Variants in PIK3C3 observed in about 807,000 individuals in gnomAD.
The protein encoded by PIK3C3 is PI3-kinase type 3.
Under a neutral mutation model 126.1 loss-of-function variants are expected in PIK3C3, and 95 were observed. The ratio of observed to expected loss-of-function variants is 0.75; its 90% confidence interval spans 0.64 to 0.89. The LOEUF (loss-of-function observed/expected upper bound fraction) is 0.89, where lower values mean the gene tolerates loss of function less well. Among genes scored for constraint, PIK3C3 ranks in the 40% least tolerant of loss-of-function variants. The pLI is 0.00. For synonymous variants in PIK3C3, 374 were observed against 360.0 expected (o/e 1.04, Z -0.44); for missense variants, 829 against 1,063.2 (o/e 0.78, Z 3.06).
In PIK3C3 at chr18:42,025,758, A is replaced by T. The variant is rs570750139; in HGVS notation, c.1485-1685A>T. On this transcript the variant is annotated intron_variant, in intron 13 of 24. Transcript: ENST00000262039. The stretch of plus-strand genomic sequence containing the variant: ...AAAGCAGGTCATGTAATGGAATTCA[A>T]GATTAGACCTTAGATGTAAAAAATG... 3 of 152,358 alleles carry T rather than the reference A, an allele frequency of 2.0e-5. No individual in the cohort carries two copies. The East Asian group carries it at 5.8e-4, about 29-fold the overall frequency. The allele number at this position is 152,358 out of a possible 1,614,324, so 9.4% of individuals were successfully genotyped here.
intron 4 of PIK3C3, 31 bp from the exon 5 acceptor site, chr18:41,987,781 T>C: frequency 2.0e-6 from 3 of 1,501,086 alleles, no homozygotes; most frequent in Non-Finnish European, 2.8e-6. Flanking sequence ...AGATGTATAT[T>C]AAAATTTTCG....
At chr18:42,014,369 G>A (rs558219565) in intron 11 of PIK3C3, among the ~76,000 whole-genome samples, 2 of 152,186 alleles carry the variant, frequency 1.3e-5, no homozygotes, top group Admixed American at 6.5e-5. Context: ...TTAAAAGTTA[G>A]CTATTAACAA....
intron 3 of PIK3C3, 113 bp from the exon 4 acceptor site, chr18:41,970,214 A>G: frequency 1.2e-6 from 1 of 835,358 alleles, no homozygotes; most frequent in Non-Finnish European, 1.9e-6. Flanking sequence ...AAAGCTTGGC[A>G]GTGGAGATAT....
In PIK3C3 at chr18:42,038,292, A is replaced by G. The variant is rs190501233; in HGVS notation, c.1968+472A>G. On this transcript the variant is annotated intron_variant, in intron 17 of 24. Transcript: ENST00000262039. ...ATTTAGAGTAGATGAAAAATTTAGC[A>G]TACCGTCATCTAAGTCCTTAATCAA... is the stretch of plus-strand genomic sequence containing the variant. Among the ~76,000 whole-genome samples the G allele has an allele frequency of 7.2e-5, 11 of 152,252 alleles. No individual in the cohort carries two copies. The East Asian group carries it at 1.5e-3, about 21-fold the overall frequency.
chr18:42,002,152 G>A (rs556443743), intron 9 of PIK3C3, among the ~76,000 whole-genome samples: 2 of 152,170 alleles, frequency 1.3e-5, no homozygotes, highest in Non-Finnish European at 2.9e-5. Context: ...GAAAGTTGCC[G>A]AAAACTTCCT....
rs138202315 is a variant in PIK3C3, at chr18:42,072,272, T to A, written c.2649+4759T>A. Among the ~76,000 whole-genome samples the A allele has an allele frequency of 7.6e-3, 1,165 of 152,298 alleles. 38 individuals carry two copies. Among genetic ancestry groups the A allele is most frequent in the Admixed American group, 0.05 (767 of 15,302 alleles). On this transcript the variant is annotated intron_variant, in intron 24 of 24. Coordinates refer to ENST00000262039, the MANE Select transcript of PIK3C3 (RefSeq NM_002647.4). The stretch of plus-strand genomic sequence containing the variant: ...TAAAAAATGGGAGTAGATTAATACA[T>A]GCTTAAAGAATTACAGATATTTCAG...
intron 22 of PIK3C3, among the ~76,000 whole-genome samples, chr18:42,059,018 T>C (rs1481938420): frequency 6.6e-6 from 1 of 152,230 alleles, no homozygotes; most frequent in African/African-American, 2.4e-5. Context: ...CAGTGTTTAG[T>C]ACATAGGCAC....
chr18:41,971,684 T>C (rs1382204589), intron 4 of PIK3C3, among the ~76,000 whole-genome samples: 1 of 152,082 alleles, frequency 6.6e-6, no homozygotes, highest in Non-Finnish European at 1.5e-5. Flanking sequence ...GAATAGTTAA[T>C]ATAAATTTTA....
intron 22 of PIK3C3, among the ~76,000 whole-genome samples, chr18:42,061,879 G>C (rs1353011626): frequency 6.6e-6 from 1 of 152,006 alleles, no homozygotes; most frequent in African/African-American, 2.4e-5. Flanking sequence ...TTGTTAAAAG[G>C]AACATCGCAT....
chr18:42,065,589 C>T (rs534126992), intron 23 of PIK3C3, among the ~76,000 whole-genome samples: 7 of 152,278 alleles, frequency 4.6e-5, no homozygotes, highest in Admixed American at 2.6e-4. Context: ...GGAACAGGAA[C>T]GATGTCAATC....
In PIK3C3 at chr18:42,015,538, A is replaced by G; in HGVS notation, c.1388A>G (p.Lys463Arg). 1 of 1,613,716 alleles carries G rather than the reference A, an allele frequency of 6.2e-7. No homozygotes were observed. Among genetic ancestry groups the G allele is most frequent in the Non-Finnish European group, 8.5e-7 (1 of 1,179,816 alleles). Residue 463 changes from lysine to arginine, a missense_variant, in exon 12 of 25, where the codon AAA becomes AGA. Physicochemically the swap from Lys to Arg is conservative, Grantham distance 26. Coordinates refer to ENST00000262039, the MANE Select transcript of PIK3C3 (RefSeq NM_002647.4). ...TCACCTCCTCCTGCATCAAAAACAA[A>G]AGAAGTTCCAGATGGCGAAAATCTG... Reference protein sequence around the residue: ...VSSPPPASKTKEVPDGENLEQ... With the variant: ...VSSPPPASKTREVPDGENLEQ...
intron 8 of PIK3C3, 95 bp downstream of exon 8, chr18:41,996,089 C>A: frequency 2.6e-6 from 2 of 772,824 alleles, no homozygotes; most frequent in African/African-American, 1.7e-5. Context: ...TATTTAGATG[C>A]ACATTTTCTC....
chr18:42,025,018 T>C (rs1367499547), intron 13 of PIK3C3, among the ~76,000 whole-genome samples: 2 of 151,746 alleles, frequency 1.3e-5, no homozygotes, highest in East Asian at 3.9e-4. Flanking sequence ...TTCACCGTGT[T>C]AGCCAGGATG....
At chr18:42,080,981 C>G (rs966862963) in intron 24 of PIK3C3, 142 bp from the exon 25 acceptor site, 93 of 552,812 alleles carry the variant, frequency 1.7e-4, no homozygotes, top group Admixed American at 6.5e-5. Context: ...TAGTTAATTG[C>G]AATCCTCTTG....
chr18:41,995,811 A>G (rs1598879268), intron 7 of PIK3C3, 79 bp from the exon 8 acceptor site: 1 of 952,754 alleles, frequency 1.0e-6, no homozygotes, highest in Non-Finnish European at 1.7e-6. Flanking sequence ...GCTCCTAAGT[A>G]CCTTTTCTAT....
At chr18:42,016,643 A>C (rs1402070507) in intron 12 of PIK3C3, among the ~76,000 whole-genome samples, 1 of 152,164 alleles carries the variant, frequency 6.6e-6, no homozygotes, top group Admixed American at 6.6e-5. Flanking sequence ...TCTGGGGAAG[A>C]GCATTTCAGA....
At chr18:42,031,787 T>G (rs1381059049) in intron 15 of PIK3C3, among the ~76,000 whole-genome samples, 1 of 152,174 alleles carries the variant, frequency 6.6e-6, no homozygotes, top group African/African-American at 2.4e-5. Context: ...TCTTTTCACT[T>G]TATGATTTTT....
In PIK3C3 at chr18:42,084,360, A is replaced by G. The variant is rs1344651324; in HGVS notation, c.*3223A>G. The G allele has an allele frequency of 6.6e-6, 1 of 152,138 alleles. No individual in the cohort carries two copies. Among genetic ancestry groups the G allele is most frequent in the Non-Finnish European group, 1.5e-5 (1 of 68,024 alleles). 9.4% of individuals were successfully genotyped at this position (152,138 alleles called of 1,614,324 possible). A position where few individuals can be genotyped will look rare whatever the true frequency, so the allele number is the denominator to read the frequency against. The stretch of plus-strand genomic sequence containing the variant: ...ACCTTGAGAATAAACTTTAGTGCCA[A>G]ATGGAAAATAATTTTTTACAAGTAA... On this transcript the variant is annotated 3_prime_UTR_variant, in exon 25 of 25. Coordinates refer to ENST00000262039, the MANE Select transcript of PIK3C3 (RefSeq NM_002647.4).
At chr18:42,063,728 G>A (rs368581395) in intron 22 of PIK3C3, among the ~76,000 whole-genome samples, 57 of 152,030 alleles carry the variant, frequency 3.7e-4, no homozygotes, top group South Asian at 6.3e-4. Flanking sequence ...GTAACAGTTC[G>A]TATTTTATTA....
Sources: allele counts gnomAD v4.1 joint callset (sites outside exome capture counted in the v4.1 genomes callset), GRCh38; gene constraint gnomAD v4.1.1; transcripts MANE v1.5; gene names NCBI Gene and HGNC (gene_info 2026-07-23, HGNC 2026-07-21).